The following INO80D variants were observed in gnomAD, a reference collection of about 807,000 sequenced individuals.
INO80D encodes INO80 complex subunit D.
In INO80D, 21 loss-of-function variants were observed where a neutral mutation model predicts 87.6. The observed-to-expected ratio is 0.24, with a 90% CI of 0.17 to 0.35. The LOEUF is 0.35. Ranked by LOEUF, INO80D falls within the 10% of genes least tolerant of loss-of-function variation. The pLI is 1.00. For missense variants in INO80D, 982 were observed against 1,280.7 expected, an observed-to-expected ratio of 0.77 and a Z score of 3.56; for synonymous variants, 440 against 491.0, an observed-to-expected ratio of 0.90 and a Z score of 1.37.
At position 205,999,872 on chromosome 2, in the gene INO80D, T is replaced by C. The variant is rs897794798; in HGVS notation, c.*4496A>G. On this transcript the variant is annotated 3_prime_UTR_variant, in exon 11 of 11. Coordinates refer to ENST00000403263, the MANE Select transcript of INO80D (RefSeq NM_017759.5). The stretch of plus-strand genomic sequence containing the variant: ...AATGTATAAAGATGTTAAGACATTA[T>C]TAAACTGTTTTAACTTTTCTACAGA... 2.0e-5 allele frequency: 3 copies of C among 152,194 alleles called. No homozygotes were observed. The highest frequency in any genetic ancestry group is 1.9e-4 in the East Asian group (1 of 5,186). The allele number at this position is 152,194 out of a possible 1,614,324, so 9.4% of individuals were successfully genotyped here.
chr2:206,028,160 T>A lies in INO80D; in HGVS notation c.1249A>T (p.Thr417Ser). The change falls in exon 6 of 11, where the codon ACT becomes TCT. Residue 417 changes from threonine to serine, a missense_variant. Thr to Ser is a moderately conservative substitution (Grantham distance 58, BLOSUM62 1). Transcript: ENST00000403263. Reference sequence around the variant, plus strand: ...CGCAGTTCTTGTATTAACTGACCAGTGCATTCTGGTTCTTTACTGGCCGCC... The same window carrying A: ...CGCAGTTCTTGTATTAACTGACCAGAGCATTCTGGTTCTTTACTGGCCGCC... Reference protein sequence around the residue: ...LQAASKEPECTGQLIQELRRA... With the variant: ...LQAASKEPECSGQLIQELRRA... 2 of 1,575,790 alleles carry A rather than the reference T, an allele frequency of 1.3e-6. No individual in the cohort carries two copies. The highest frequency in any genetic ancestry group is 1.7e-6 in the Non-Finnish European group (2 of 1,160,976).
intron 1 of INO80D, among the ~76,000 whole-genome samples, chr2:206,072,779 T>C (rs193281410): frequency 5.5e-4 from 84 of 152,236 alleles, no homozygotes; most frequent in African/African-American, 1.7e-3. Context: ...AGCATACTTA[T>C]TATAGAATTT....
In INO80D at chr2:206,005,062, G is replaced by C; in HGVS notation, c.2390C>G (p.Pro797Arg). Residue 797 changes from proline to arginine, a missense_variant, in exon 11 of 11, where the codon CCA (proline) becomes CGA (arginine). Transcript: ENST00000403263. ...CTTGCTCAGCAGCTGGGCAGGATGT[G>C]GCCTCTGGGAGGCATGGCTGCCGTC... ...LHDGSHASQR[P>R]HPAQLLSKAD... 6.2e-7 allele frequency: 1 copy of C among 1,613,978 alleles called. No homozygotes were observed. The highest frequency in any genetic ancestry group is 8.5e-7 in the Non-Finnish European group (1 of 1,179,886).
chr2:206,001,616 G>A lies in INO80D; in HGVS notation c.*2752C>T, dbSNP rs1575784712. 2 of 152,198 alleles carry A rather than the reference G, an allele frequency of 1.3e-5. No homozygotes were observed. The highest frequency in any genetic ancestry group is 3.9e-4 in the East Asian group (2 of 5,178). The allele number at this position is 152,198 out of a possible 1,614,324, so 9.4% of individuals were successfully genotyped here. A position where few individuals can be genotyped will look rare whatever the true frequency, so the allele number is the denominator to read the frequency against. On this transcript the variant is annotated 3_prime_UTR_variant, in exon 11 of 11. Coordinates refer to ENST00000403263, the MANE Select transcript of INO80D (RefSeq NM_017759.5). Reference sequence around the variant, plus strand: ...ATTAATAGCAAAGTTCCTACTAATAGACGAGAATGGCTCTATTAAGTAAAA... The same window carrying A: ...ATTAATAGCAAAGTTCCTACTAATAAACGAGAATGGCTCTATTAAGTAAAA...
rs573844599 is a variant in INO80D at position 206,049,992 on chromosome 2, G to T, written c.965-3380C>A. Among the ~76,000 whole-genome samples, 3 of 151,968 alleles carry T rather than the reference G, an allele frequency of 2.0e-5. No individual in the cohort carries two copies. In the East Asian group the frequency reaches 5.9e-4, roughly 30 times the overall value. Reference sequence around the variant, plus strand: ...ACTAAAAATACAAAAAATGAGCCAGGCGTGGTGGTATGCACCTGTAATCCT... The same window carrying T: ...ACTAAAAATACAAAAAATGAGCCAGTCGTGGTGGTATGCACCTGTAATCCT... On this transcript the variant is annotated intron_variant, in intron 4 of 10. Transcript: ENST00000403263.
intron 1 of INO80D, among the ~76,000 whole-genome samples, chr2:206,080,699 A>G (rs1690253066): frequency 6.6e-6 from 1 of 151,990 alleles, no homozygotes; most frequent in African/African-American, 2.4e-5. Flanking sequence ...CGAGGTCAGG[A>G]GACCGAGACC....
chr2:206,010,157 C>T (rs1053825481), intron 8 of INO80D, among the ~76,000 whole-genome samples: 4 of 151,760 alleles, frequency 2.6e-5, no homozygotes, highest in East Asian at 1.9e-4. Context: ...GTTGGTACTA[C>T]GTGTGGAGGA....
At position 206,009,628 on chromosome 2, in the gene INO80D, TTCC is replaced by T; in HGVS notation, c.1706_1708del (p.Gly569_Asn570delinsAsp). ...TGAGACGCTGGCGGGCATGCTGAGG[TTCC>T]CTTGGGGGACTGCAGGTGGAATGGG... On this transcript the variant is annotated inframe_deletion, in exon 9 of 11. Coordinates refer to ENST00000403263, the MANE Select transcript of INO80D (RefSeq NM_017759.5). 6.2e-7 allele frequency: 1 copy of T among 1,613,626 alleles called. No individual in the cohort carries two copies. The highest frequency in any genetic ancestry group is 2.2e-5 in the East Asian group (1 of 44,854).
intron 5 of INO80D, among the ~76,000 whole-genome samples, chr2:206,033,838 G>A (rs1688828718): frequency 6.6e-6 from 1 of 151,892 alleles, no homozygotes; most frequent in African/African-American, 2.4e-5. Context: ...CAATTGATAG[G>A]CCATTAGCAA....
At chr2:206,077,294 C>T (rs1438854283) in intron 1 of INO80D, among the ~76,000 whole-genome samples, 1 of 151,034 alleles carries the variant, frequency 6.6e-6, no homozygotes, top group Non-Finnish European at 1.5e-5. Flanking sequence ...GAGCCAAGAT[C>T]GCGCCACTGC....
At chr2:206,059,594 G>A (rs779453352) in intron 3 of INO80D, among the ~76,000 whole-genome samples, 1 of 152,166 alleles carries the variant, frequency 6.6e-6, no homozygotes, top group Non-Finnish European at 1.5e-5. Flanking sequence ...CACAGAATAT[G>A]TGTGGGTGTG....
At chr2:206,071,224 G>A (rs925200047) in intron 1 of INO80D, among the ~76,000 whole-genome samples, 1 of 130,384 alleles carries the variant, frequency 7.7e-6, no homozygotes, top group Non-Finnish European at 1.6e-5. Flanking sequence ...CTCCCAAAGT[G>A]CTGGGATTAC....
At chr2:206,009,301 G>C (rs569917894) in intron 9 of INO80D, among the ~76,000 whole-genome samples, 1 of 151,974 alleles carries the variant, frequency 6.6e-6, no homozygotes, top group African/African-American at 2.4e-5. Context: ...AGCAAGACTT[G>C]GTCTCAAGAA....
intron 1 of INO80D, among the ~76,000 whole-genome samples, chr2:206,083,196 A>C (rs986452154): frequency 6.6e-6 from 1 of 152,232 alleles, no homozygotes; most frequent in African/African-American, 2.4e-5. Flanking sequence ...AAATTAATAC[A>C]TGTTTGAGGT....
In INO80D at chr2:206,010,609, A is replaced by G. The variant is rs571597925; in HGVS notation, c.1543-815T>C. Reference sequence around the variant, plus strand: ...TGTAGCTAAATAAAGATTGTAGACCATAGTATTTTAAGACTAATAACTATC... The same window carrying G: ...TGTAGCTAAATAAAGATTGTAGACCGTAGTATTTTAAGACTAATAACTATC... On this transcript the variant is annotated intron_variant, in intron 8 of 10. Coordinates refer to ENST00000403263, the MANE Select transcript of INO80D (RefSeq NM_017759.5). Among the ~76,000 whole-genome samples the G allele has an allele frequency of 2.6e-5, 4 of 152,372 alleles. No homozygotes were observed. The South Asian group carries it at 8.3e-4, about 32-fold the overall frequency.
chr2:206,051,660 T>A (rs1689374275), intron 4 of INO80D, among the ~76,000 whole-genome samples: 1 of 147,628 alleles, frequency 6.8e-6, no homozygotes, highest in Admixed American at 6.8e-5. Context: ...TTCTAAGAAG[T>A]TTTTTTTTTT....
At position 206,059,144 on chromosome 2, in the gene INO80D, G is replaced by T. The variant is rs571286298; in HGVS notation, c.219-2201C>A. 2.0e-5 allele frequency among the ~76,000 whole-genome samples: 3 copies of T among 152,022 alleles called. No individual in the cohort carries two copies. The East Asian group carries it at 5.8e-4, about 29-fold the overall frequency. ...GCTTGTAATCCCAGCACTTTGGGAG[G>T]CCAAGGTGGGTGGATCACCTGAGGT... On this transcript the variant is annotated intron_variant, in intron 3 of 10. Transcript: ENST00000403263.
chr2:206,009,410 C>T (rs566122224), intron 9 of INO80D, among the ~76,000 whole-genome samples, 167 bp downstream of exon 9: 1 of 152,292 alleles, frequency 6.6e-6, no homozygotes, highest in African/African-American at 2.4e-5. Context: ...TCAAATACAG[C>T]CAGATATAGG....
rs112491612 is a variant in INO80D, at chr2:206,057,899, T to TA, written c.219-957dup. On this transcript the variant is annotated intron_variant, in intron 3 of 10. Transcript: ENST00000403263. ...ACATGGACTTTTCCTGTGGAAAGTT[T>TA]AAAAAAAAAAAAAAAGAGCAAAATT... 8.2e-3 allele frequency among the ~76,000 whole-genome samples: 1,153 copies of TA among 140,130 alleles called. 12 individuals are homozygous for TA. Among genetic ancestry groups the TA allele is most frequent in the African/African-American group, 0.025 (967 of 38,482 alleles). 91.9% of individuals were successfully genotyped at this position (140,130 alleles called of 152,430 possible). A position where few individuals can be genotyped will look rare whatever the true frequency, so the allele number is the denominator to read the frequency against.
Sources: allele counts gnomAD v4.1 joint callset (sites outside exome capture counted in the v4.1 genomes callset), GRCh38; gene constraint gnomAD v4.1.1; transcripts MANE v1.5; gene names NCBI Gene and HGNC (gene_info 2026-07-23, HGNC 2026-07-21).